ABTB3: variants seen among roughly 807,000 people sequenced by gnomAD.
ABTB3 encodes ankyrin repeat and BTB domain containing 3, also known as ankyrin repeat- and BTB/POZ domain-containing protein 3.
the ABTB3 span, among the ~76,000 whole-genome samples, chr12:107,418,017 T>C: frequency 6.6e-6 from 1 of 152,226 alleles, no homozygotes; most frequent in African/African-American, 2.4e-5. Flanking sequence ...AGCTGTGTGA[T>C]GGTTAATACT....
At chr12:107,608,630 A>G in the ABTB3 span, among the ~76,000 whole-genome samples, 1 of 152,066 alleles carries the variant, frequency 6.6e-6, no homozygotes, top group Non-Finnish European at 1.5e-5. Flanking sequence ...AGCACTTTGA[A>G]AGGCCAAGGC....
At chr12:107,546,352 T>G in the ABTB3 span, among the ~76,000 whole-genome samples, 2 of 152,146 alleles carry the variant, frequency 1.3e-5, no homozygotes, top group Non-Finnish European at 2.9e-5. Flanking sequence ...CCACTGTTCC[T>G]CCTTTCTCCC....
the ABTB3 span, among the ~76,000 whole-genome samples, chr12:107,345,869 G>T: frequency 2.0e-5 from 3 of 152,212 alleles, no homozygotes; most frequent in African/African-American, 7.2e-5. Flanking sequence ...CTACTTGGAC[G>T]TAAGGAGATG....
the ABTB3 span, among the ~76,000 whole-genome samples, chr12:107,609,092 C>T: frequency 6.6e-6 from 1 of 152,316 alleles, no homozygotes; most frequent in Non-Finnish European, 1.5e-5. Flanking sequence ...CTTCCTTGCA[C>T]TCCTGCAGCG....
chr12:107,318,853 G>A, the ABTB3 span: 1 of 1,431,370 alleles, frequency 7.0e-7, no homozygotes, highest in Non-Finnish European at 9.3e-7. Context: ...GCGCGGACTC[G>A]GCTCTCCCCG....
At chr12:107,395,655 C>T in the ABTB3 span, among the ~76,000 whole-genome samples, 3 of 152,182 alleles carry the variant, frequency 2.0e-5, no homozygotes, top group Non-Finnish European at 4.4e-5. Context: ...CTGTGGTGTC[C>T]ATGGACTCCC....
chr12:107,478,992 C>A, the ABTB3 span, among the ~76,000 whole-genome samples: 3 of 152,182 alleles, frequency 2.0e-5, no homozygotes, highest in African/African-American at 7.2e-5. Context: ...GATGTCCTAA[C>A]CTTGCTGTCC....
At chr12:107,641,666 T>C in the ABTB3 span, among the ~76,000 whole-genome samples, 3 of 152,208 alleles carry the variant, frequency 2.0e-5, no homozygotes, top group East Asian at 5.8e-4. Context: ...TGTGGGGATG[T>C]AGCAAAGACA....
the ABTB3 span, among the ~76,000 whole-genome samples, chr12:107,583,235 C>A: frequency 6.6e-6 from 1 of 152,124 alleles, no homozygotes; most frequent in Non-Finnish European, 1.5e-5. Flanking sequence ...GCCTATAAAG[C>A]GGTCATTTTT....
chr12:107,338,223 T>C, the ABTB3 span, among the ~76,000 whole-genome samples: 1,171 of 152,326 alleles, frequency 7.7e-3, 54 homozygotes, highest in Admixed American at 0.072. Flanking sequence ...GGGGCCACAG[T>C]AAGACAGGAG....
the ABTB3 span, among the ~76,000 whole-genome samples, chr12:107,635,853 C>A: frequency 3.1e-5 from 2 of 64,506 alleles, no homozygotes; most frequent in Admixed American, 1.5e-4. Flanking sequence ...AGGAACAACC[C>A]CCCCCCCCCC....
At chr12:107,477,753 A>T in the ABTB3 span, among the ~76,000 whole-genome samples, 2 of 152,234 alleles carry the variant, frequency 1.3e-5, no homozygotes, top group African/African-American at 4.8e-5. Flanking sequence ...GATAAAAGAA[A>T]AATGAGAGTG....
the ABTB3 span, among the ~76,000 whole-genome samples, chr12:107,596,165 G>A: frequency 2.0e-5 from 3 of 152,214 alleles, no homozygotes; most frequent in Non-Finnish European, 4.4e-5. Context: ...GTCCCTTAAT[G>A]TTCATCTGTA....
At chr12:107,658,878 A>G in the ABTB3 span, 1 of 152,654 alleles carries the variant, frequency 6.6e-6, no homozygotes, top group Admixed American at 6.5e-5. Context: ...AACATGTATG[A>G]TAGGATGGAT....
the ABTB3 span, among the ~76,000 whole-genome samples, chr12:107,599,745 CCGAT>C: frequency 6.6e-6 from 1 of 152,038 alleles, no homozygotes; most frequent in Non-Finnish European, 1.5e-5. Flanking sequence ...CAGTGCCTGG[CCGAT>C]ACTGGAGCCC....
chr12:107,410,077 AAGAGTG>A, the ABTB3 span, among the ~76,000 whole-genome samples: 1 of 152,212 alleles, frequency 6.6e-6, no homozygotes, highest in South Asian at 2.1e-4. Context: ...TGCCAGCAGT[AAGAGTG>A]AGGAAGCCTT....
chr12:107,613,021 T>G, the ABTB3 span: 1 of 736,566 alleles, frequency 1.4e-6, no homozygotes, highest in Non-Finnish European at 2.2e-6. Context: ...GCTGTGGCCC[T>G]GGTGAGACCA....
the ABTB3 span, among the ~76,000 whole-genome samples, chr12:107,437,275 G>A: frequency 1.3e-5 from 2 of 152,192 alleles, no homozygotes; most frequent in Admixed American, 6.5e-5. Flanking sequence ...GGTTCCAGGA[G>A]AGCATCCAGT....
the ABTB3 span, among the ~76,000 whole-genome samples, chr12:107,381,988 A>G: frequency 1.3e-5 from 2 of 152,186 alleles, no homozygotes; most frequent in African/African-American, 4.8e-5. Flanking sequence ...TGAGCCCCCT[A>G]TGGTCTCCAG....
Sources: gnomAD v4.1 joint callset for allele counts (sites outside exome capture counted in the v4.1 genomes callset) on GRCh38, gnomAD v4.1.1 for gene constraint, MANE v1.5 for transcripts, NCBI Gene and HGNC (gene_info 2026-07-23, HGNC 2026-07-21) for gene names.